HIRA: variants seen among roughly 807,000 people sequenced by gnomAD.
The protein encoded by HIRA is histone cell cycle regulator, also known as protein HIRA.
In HIRA, 13 loss-of-function variants were observed where a neutral mutation model predicts 126.6. That is an observed-to-expected ratio of 0.10 (90% CI 0.07 to 0.16). HIRA has a LOEUF of 0.16. Among genes scored for constraint, HIRA ranks in the 10% least tolerant of loss-of-function variants. HIRA has a pLI of 1.00. For synonymous variants in HIRA, 511 were observed against 520.0 expected (o/e 0.98, Z 0.24); for missense variants, 834 against 1,314.4 (o/e 0.63, Z 5.65).
At position 19,398,002 on chromosome 22, in the gene HIRA, T is replaced by G; in HGVS notation, c.483A>C (p.Val161=). Residue 161 remains valine, a synonymous_variant, in exon 6 of 25, where the codon GTA becomes GTC. Transcript: ENST00000263208. Reference sequence around the variant, plus strand: ...GAGGAGGCCCCAGACCTGGGAACTTTACAGCATTCCAGATGACGACAGTGT... The same window carrying G: ...GAGGAGGCCCCAGACCTGGGAACTTGACAGCATTCCAGATGACGACAGTGT... ...VDNTVVIWNA[V]KFPEILATLR... 4 of 1,613,902 alleles carry G rather than the reference T, an allele frequency of 2.5e-6. No individual in the cohort carries two copies. Among genetic ancestry groups the G allele is most frequent in the Non-Finnish European group, 3.4e-6 (4 of 1,179,888 alleles).
At chr22:19,413,139 CAG>C (rs2089367426) in intron 1 of HIRA, among the ~76,000 whole-genome samples, 1 of 152,108 alleles carries the variant, frequency 6.6e-6, no homozygotes. Context: ...GAAGAGGAGA[CAG>C]AGATGGCTCA....
intron 18 of HIRA, among the ~76,000 whole-genome samples, chr22:19,358,212 C>T (rs1427707221): frequency 6.6e-6 from 1 of 152,168 alleles, no homozygotes; most frequent in Admixed American, 6.5e-5. Flanking sequence ...GTTGGCCAGG[C>T]TGGTACTGTG....
chr22:19,331,577 C>G, intron 24 of HIRA, 21 bp from the exon 25 acceptor site: 1 of 1,571,670 alleles, frequency 6.4e-7, no homozygotes, highest in Non-Finnish European at 8.7e-7. Flanking sequence ...AGAGTGACAG[C>G]TGAGTGCAAG....
At chr22:19,355,619 A>T in intron 21 of HIRA, 141 bp downstream of exon 21, 1 of 630,440 alleles carries the variant, frequency 1.6e-6, no homozygotes, top group Non-Finnish European at 2.9e-6. Context: ...ATGCACAGAT[A>T]GTCAATGCAG....
At chr22:19,332,550 T>TA (rs2088502542) in intron 24 of HIRA, among the ~76,000 whole-genome samples, 2 of 151,870 alleles carry the variant, frequency 1.3e-5, no homozygotes, top group African/African-American at 2.4e-5. Flanking sequence ...CTAACTAAAA[T>TA]AATTGAGTAA....
chr22:19,395,947 C>A (rs1342763108), intron 7 of HIRA, among the ~76,000 whole-genome samples: 1 of 152,094 alleles, frequency 6.6e-6, no homozygotes, highest in Admixed American at 6.5e-5. Context: ...ATTAAAATAC[C>A]AGAGAAGCTA....
intron 5 of HIRA, among the ~76,000 whole-genome samples, chr22:19,403,960 T>C (rs941378019): frequency 2.0e-5 from 3 of 152,194 alleles, no homozygotes; most frequent in East Asian, 3.8e-4. Flanking sequence ...TCCTATTTTC[T>C]AGAAAATTAT....
At chr22:19,361,186 G>A (rs771245832) in intron 17 of HIRA, 51 bp downstream of exon 17, 87 of 1,356,342 alleles carry the variant, frequency 6.4e-5, no homozygotes, top group Non-Finnish European at 9.0e-5. Context: ...GTAGGGGACA[G>A]AGAATGTCTG....
chr22:19,370,998 C>T (rs1158133030), intron 15 of HIRA, among the ~76,000 whole-genome samples: 1 of 152,212 alleles, frequency 6.6e-6, no homozygotes, highest in Non-Finnish European at 1.5e-5. Flanking sequence ...TAAGGGCTAT[C>T]CTCCTGGCTT....
intron 3 of HIRA, 118 bp downstream of exon 3, chr22:19,408,365 C>T: frequency 1.5e-6 from 1 of 648,712 alleles, no homozygotes; most frequent in South Asian, 1.7e-5. Flanking sequence ...TGCCTTCAGA[C>T]AGCAGGCCGA....
At chr22:19,417,576 C>T (rs1348186276) in intron 1 of HIRA, among the ~76,000 whole-genome samples, 1 of 152,080 alleles carries the variant, frequency 6.6e-6, no homozygotes, top group Non-Finnish European at 1.5e-5. Flanking sequence ...GGGCCAAGAT[C>T]CCGCCACTGC....
At chr22:19,362,535 A>T (rs1462170673) in intron 15 of HIRA, among the ~76,000 whole-genome samples, 1 of 152,144 alleles carries the variant, frequency 6.6e-6, no homozygotes, top group Non-Finnish European at 1.5e-5. Flanking sequence ...TAATGCTGAG[A>T]GGAGAGAAAA....
Position 19,356,243 on chromosome 22 carries a change from G to C in HIRA, c.2442C>G (p.His814Gln), listed in dbSNP as rs781838556. Reference sequence around the variant, plus strand: ...TGCCTGCATTACCTGCCAGGATGGAGTGTAGAGACTCTTCTTTCACCACAA... The same window carrying C: ...TGCCTGCATTACCTGCCAGGATGGACTGTAGAGACTCTTCTTTCACCACAA... ...QVVVVKEESL[H>Q]SILAGSDMTV... Residue 814 changes from histidine (H) to glutamine (Q), a missense_variant, in exon 20 of 25, where the codon CAC becomes CAG. Coordinates refer to ENST00000263208, the MANE Select transcript of HIRA (RefSeq NM_003325.4). The C allele has an allele frequency of 2.5e-6, 4 of 1,613,886 alleles. No individual in the cohort carries two copies. In the East Asian group the frequency reaches 8.9e-5, roughly 36 times the overall value.
At chr22:19,373,920 C>A (rs1003569812) in intron 15 of HIRA, among the ~76,000 whole-genome samples, 2 of 152,190 alleles carry the variant, frequency 1.3e-5, no homozygotes, top group Admixed American at 6.5e-5. Context: ...CAGTTCTGCT[C>A]ACTGCTCTGG....
At chr22:19,414,039 C>T (rs2089375532) in intron 1 of HIRA, among the ~76,000 whole-genome samples, 1 of 152,158 alleles carries the variant, frequency 6.6e-6, no homozygotes, top group South Asian at 2.1e-4. Flanking sequence ...TTCCCAACTA[C>T]CTCCAGTGTC....
Position 19,387,829 on chromosome 22 carries a change from G to A in HIRA, c.1008-13C>T, listed in dbSNP as rs1242634131. 1 of 1,590,888 alleles carries A rather than the reference G, an allele frequency of 6.3e-7. No homozygotes were observed. The highest frequency in any genetic ancestry group is 8.6e-7 in the Non-Finnish European group (1 of 1,163,816). On this transcript the variant is annotated splice_polypyrimidine_tract_variant and intron_variant, in intron 10 of 24. Transcript: ENST00000263208. ...CCCATTCAGAGTCCTGAAAGACATG[G>A]CCATCAGCAGCCTGGTAGCAAGAGC...
intron 1 of HIRA, among the ~76,000 whole-genome samples, chr22:19,424,236 C>T: frequency 6.6e-6 from 1 of 152,202 alleles, no homozygotes; most frequent in Non-Finnish European, 1.5e-5. Context: ...ATTCAGATAT[C>T]CACTCTGCCC....
chr22:19,405,278 G>C (rs1047882618), intron 5 of HIRA, among the ~76,000 whole-genome samples: 5 of 152,232 alleles, frequency 3.3e-5, no homozygotes, highest in African/African-American at 1.2e-4. Flanking sequence ...CACTCAACCT[G>C]GTATCCTTGA....
At chr22:19,425,904 G>A (rs889839989) in intron 1 of HIRA, among the ~76,000 whole-genome samples, 1 of 152,134 alleles carries the variant, frequency 6.6e-6, no homozygotes, top group East Asian at 1.9e-4. Context: ...CCAGCTACTC[G>A]GGAGGCTGAG....
Sources: gnomAD v4.1 joint callset for allele counts (sites outside exome capture counted in the v4.1 genomes callset) on GRCh38, gnomAD v4.1.1 for gene constraint, MANE v1.5 for transcripts, NCBI Gene and HGNC (gene_info 2026-07-23, HGNC 2026-07-21) for gene names.